PXDN: variants seen among roughly 807,000 people sequenced by gnomAD.
PXDN encodes peroxidasin.
PXDN carries 77 observed loss-of-function variants against 140.3 expected under a neutral mutation model. That is an observed-to-expected ratio of 0.55 (90% confidence interval 0.46 to 0.66). The LOEUF (loss-of-function observed/expected upper bound fraction) is 0.66, where lower values mean the gene tolerates loss of function less well. Ranked by LOEUF, PXDN falls within the 30% of genes least tolerant of loss-of-function variation. The pLI is 0.00. For missense variants in PXDN, 1,838 were observed against 2,039.5 expected (o/e 0.90, Z 1.90); for synonymous variants, 911 against 857.4 (o/e 1.06, Z -1.09).
At position 1,680,239 on chromosome 2, in the gene PXDN, G is replaced by A; in HGVS notation, c.684C>T (p.Ile228=). Residue 228 remains isoleucine (I), a synonymous_variant, in exon 7 of 23, where the codon ATC becomes ATT. Transcript: ENST00000252804. ...TGATGGTTGCCACTGAGCGTCCCTG[G>A]ATGCGTCTGGGATATTCACAGATGG... The part of the protein sequence containing the change: ...AAAICEYPRR[I]QGRSVATITP... 6.2e-7 allele frequency: 1 copy of A among 1,609,380 alleles called. No homozygotes were observed. The highest frequency in any genetic ancestry group is 8.5e-7 in the Non-Finnish European group (1 of 1,177,946).
intron 1 of PXDN, among the ~76,000 whole-genome samples, chr2:1,702,880 G>C (rs907932617): frequency 1.3e-5 from 2 of 152,218 alleles, no homozygotes; most frequent in African/African-American, 4.8e-5. Context: ...ACGCACCTCG[G>C]CCTCTCAAAG....
At chr2:1,673,528 T>G in intron 9 of PXDN, 115 bp downstream of exon 9, 2 of 1,386,912 alleles carry the variant, frequency 1.4e-6, no homozygotes, top group Non-Finnish European at 2.0e-6. Context: ...GTACTGGAGC[T>G]TCAACTTCAG....
intron 1 of PXDN, among the ~76,000 whole-genome samples, 164 bp downstream of exon 1, chr2:1,744,092 A>T (rs1572211651): frequency 7.3e-6 from 1 of 137,798 alleles, no homozygotes; most frequent in Non-Finnish European, 1.6e-5. Flanking sequence ...AGGTCCCCCC[A>T]CGTCCCCCTT....
intron 1 of PXDN, among the ~76,000 whole-genome samples, chr2:1,715,112 A>G (rs985498392): frequency 1.3e-5 from 2 of 152,126 alleles, no homozygotes; most frequent in African/African-American, 4.8e-5. Flanking sequence ...AAAAAATAAA[A>G]TCAGTATTTT....
Position 1,684,080 on chromosome 2 carries a change from AG to A in PXDN, c.487del (p.Leu163TyrfsTer11), listed in dbSNP as rs762026886. The A allele has an allele frequency of 6.3e-7, 1 of 1,576,130 alleles. No homozygotes were observed. The highest frequency in any genetic ancestry group is 1.2e-5 in the South Asian group (1 of 85,286). ...AGGCAAGGAACAACACACAACTCAC[AG>A]CCTCTCGAGCTTCGGGAGATGCTGG... ...SFQHLPKLER[L>X]FLHNNRITHL... On this transcript the variant is annotated frameshift_variant and splice_region_variant, in exon 5 of 23. Transcript: ENST00000252804. LOFTEE classifies it high-confidence loss of function.
chr2:1,743,519 G>A (rs1166137921), intron 1 of PXDN, among the ~76,000 whole-genome samples: 1 of 151,628 alleles, frequency 6.6e-6, no homozygotes, highest in Non-Finnish European at 1.5e-5. Context: ...CTGGGAGCGG[G>A]GGCGCCGCGG....
intron 1 of PXDN, among the ~76,000 whole-genome samples, chr2:1,717,199 A>C (rs952681788): frequency 6.6e-5 from 10 of 152,112 alleles, no homozygotes; most frequent in African/African-American, 2.2e-4. Context: ...GGCTGAGGCC[A>C]CTCCTGAGAA....
At chr2:1,676,895 C>A (rs747341915) in intron 8 of PXDN, 32 bp downstream of exon 8, 27 of 1,580,040 alleles carry the variant, frequency 1.7e-5, no homozygotes, top group Non-Finnish European at 2.2e-5. Flanking sequence ...CCGAGAGATG[C>A]ACAGGGGCAT....
At chr2:1,742,384 T>G (rs1250847096) in intron 1 of PXDN, among the ~76,000 whole-genome samples, 1 of 152,222 alleles carries the variant, frequency 6.6e-6, no homozygotes, top group Admixed American at 6.5e-5. Context: ...TAGAAATGGA[T>G]GCAAATGTAC....
intron 9 of PXDN, among the ~76,000 whole-genome samples, chr2:1,668,523 G>A (rs147219702): frequency 3.9e-4 from 59 of 150,818 alleles, no homozygotes; most frequent in African/African-American, 1.4e-3. Context: ...GCAACCTATA[G>A]AATGGGAGAA....
intron 1 of PXDN, among the ~76,000 whole-genome samples, chr2:1,727,652 C>T (rs890475358): frequency 6.6e-6 from 1 of 152,178 alleles, no homozygotes; most frequent in Admixed American, 6.5e-5. Flanking sequence ...CAGTCTCCAC[C>T]GTGTCACACC....
chr2:1,642,350 A>G (rs1242617363), intron 19 of PXDN, among the ~76,000 whole-genome samples: 1 of 152,250 alleles, frequency 6.6e-6, no homozygotes, highest in Non-Finnish European at 1.5e-5. Context: ...ACTAAATTAA[A>G]TAAGCTCTTG....
At chr2:1,710,588 T>A (rs1283416057) in intron 1 of PXDN, among the ~76,000 whole-genome samples, 48 of 59,014 alleles carry the variant, frequency 8.1e-4, no homozygotes, top group South Asian at 2.3e-3. Context: ...ACTAGCACCC[T>A]CTCCACCAGC....
At chr2:1,676,706 C>T (rs1343007771) in intron 8 of PXDN, 2 of 600,220 alleles carry the variant, frequency 3.3e-6, no homozygotes, top group Non-Finnish European at 3.0e-6. Flanking sequence ...CTGTGCTGCC[C>T]AGGAGAGAGT....
rs569180125 is a variant in PXDN at position 1,711,321 on chromosome 2, C to G, written c.201-18187G>C. Among the ~76,000 whole-genome samples, 24 of 95,554 alleles carry G rather than the reference C, an allele frequency of 2.5e-4. 1 individual carries two copies. Among genetic ancestry groups the G allele is most frequent in the African/African-American group, 1.0e-3 (24 of 24,014 alleles). The allele number at this position is 95,554 out of a possible 152,430, so 62.7% of individuals were successfully genotyped here. On this transcript the variant is annotated intron_variant, in intron 1 of 22. Transcript: ENST00000252804. Reference sequence around the variant, plus strand: ...CACTCTCCACCAGCACCCGCTCCACCAGCACCCGCTCCACCAGCACCCACT... The same window carrying G: ...CACTCTCCACCAGCACCCGCTCCACGAGCACCCGCTCCACCAGCACCCACT...
At chr2:1,679,687 G>A (rs1444850221) in intron 7 of PXDN, among the ~76,000 whole-genome samples, 1 of 150,052 alleles carries the variant, frequency 6.7e-6, no homozygotes, top group Non-Finnish European at 1.5e-5. Flanking sequence ...GCACATGTGT[G>A]TGGTCTGTGT....
chr2:1,683,550 A>ATCCACCCTCCATATATTCT, intron 6 of PXDN, 106 bp downstream of exon 6: 1 of 446,778 alleles, frequency 2.2e-6, no homozygotes, highest in South Asian at 3.8e-5. Flanking sequence ...TTTCAGAATC[A>ATCCACCCTCCATATATTCT]GATTGTTATC....
In PXDN at chr2:1,649,354, G is replaced by A; in HGVS notation, c.2426C>T (p.Thr809Ile). Residue 809 changes from threonine to isoleucine, a missense_variant, in exon 17 of 23, where the codon ACA becomes ATA. Thr to Ile is a moderately conservative substitution (Grantham distance 89). Coordinates refer to ENST00000252804, the MANE Select transcript of PXDN (RefSeq NM_012293.3). The surrounding 1 kb of genome is among the most constrained non-coding windows in gnomAD (Gnocchi z 7.1). ...STTLIGTETV[T>I]PDEQFTHMLM... is the part of the protein sequence containing the mutation. The stretch of plus-strand genomic sequence containing the variant: ...CATGTGGGTGAACTGCTCGTCGGGT[G>A]TGACGGTCTCCGTCCCGATCAGGGT... 1.9e-6 allele frequency: 3 copies of A among 1,613,968 alleles called. No individual in the cohort carries two copies. The highest frequency in any genetic ancestry group is 2.5e-6 in the Non-Finnish European group (3 of 1,179,886).
intron 1 of PXDN, among the ~76,000 whole-genome samples, chr2:1,703,420 G>A (rs1393184400): frequency 1.1e-4 from 6 of 53,964 alleles, no homozygotes; most frequent in African/African-American, 5.1e-4. Flanking sequence ...GGTGAAGGAG[G>A]GACAACTCCA....
Sources: gnomAD v4.1 joint callset for allele counts (sites outside exome capture counted in the v4.1 genomes callset) on GRCh38, gnomAD v4.1.1 for gene constraint, Gnocchi (gnomAD v3.1) non-coding constraint, MANE v1.5 for transcripts, NCBI Gene and HGNC (gene_info 2026-07-23, HGNC 2026-07-21) for gene names.